Variants in FAM227B observed in about 807,000 individuals in gnomAD.
FAM227B encodes protein FAM227B.
A neutral mutation model predicts 73.8 loss-of-function variants in FAM227B; 88 were observed. The ratio of observed to expected loss-of-function variants is 1.19; its 90% CI spans 1.00 to 1.42. The LOEUF (loss-of-function observed/expected upper bound fraction) is 1.42. Ranked by LOEUF, FAM227B falls within the 40% of genes most tolerant of loss-of-function variation. The probability of loss-of-function intolerance (pLI) is 0.00; values close to 1 mark genes in which losing one functional copy is unlikely to be tolerated. For missense variants in FAM227B, 632 were observed against 590.9 expected (o/e 1.07, Z -0.72); for synonymous variants, 210 against 190.5 (o/e 1.10, Z -0.84).
In FAM227B at chr15:49,489,881, T is replaced by TAGAGAGAG. The variant is rs1163487332; in HGVS notation, c.1012+18329_1012+18330insCTCTCTCT. ...TATTTTATATATATATATATATATA[T>TAGAGAGAG]ATAGAGAGAGAGAGAGAGAGAGAGA... On this transcript the variant is annotated intron_variant, in intron 11 of 15. Coordinates refer to ENST00000299338, the MANE Select transcript of FAM227B (RefSeq NM_152647.3). Among the ~76,000 whole-genome samples the TAGAGAGAG allele has an allele frequency of 6.7e-4, 11 of 16,486 alleles. 1 individual carries two copies. Among genetic ancestry groups the TAGAGAGAG allele is most frequent in the East Asian group, 4.9e-3 (3 of 618 alleles). The allele number at this position is 16,486 out of a possible 152,430, so 10.8% of individuals were successfully genotyped here. A position where few individuals can be genotyped will look rare whatever the true frequency, so the allele number is the denominator to read the frequency against.
At chr15:49,591,206 T>G (rs1036750116) in intron 3 of FAM227B, among the ~76,000 whole-genome samples, 6 of 150,786 alleles carry the variant, frequency 4.0e-5, no homozygotes, top group Admixed American at 6.6e-5. Context: ...TCCCGAGTAG[T>G]TGGGACTACA....
chr15:49,380,312 T>A (rs1221934737), intron 11 of FAM227B, among the ~76,000 whole-genome samples: 2 of 152,118 alleles, frequency 1.3e-5, no homozygotes, highest in East Asian at 3.9e-4. Context: ...GGTCCAGAAA[T>A]GCTGTCCAAG....
chr15:49,419,727 C>G (rs1040743808), intron 11 of FAM227B, among the ~76,000 whole-genome samples: 4 of 152,084 alleles, frequency 2.6e-5, no homozygotes, highest in Admixed American at 6.6e-5. Flanking sequence ...TCTACTGGGA[C>G]CAAACCTGTG....
At chr15:49,496,989 T>G (rs972871104) in intron 11 of FAM227B, among the ~76,000 whole-genome samples, 1 of 151,754 alleles carries the variant, frequency 6.6e-6, no homozygotes, top group African/African-American at 2.4e-5. Context: ...TCTCAAATCA[T>G]GAATCCTAAA....
intron 13 of FAM227B, among the ~76,000 whole-genome samples, chr15:49,364,598 A>G (rs1294487129): frequency 2.0e-5 from 3 of 152,196 alleles, no homozygotes; most frequent in Admixed American, 2.0e-4. Context: ...AAAAAAACAT[A>G]CTACAAAAAT....
intron 11 of FAM227B, among the ~76,000 whole-genome samples, chr15:49,374,788 C>T (rs889030484): frequency 6.6e-6 from 1 of 152,228 alleles, no homozygotes; most frequent in African/African-American, 2.4e-5. Flanking sequence ...AAAAGATCCT[C>T]CTACCTTGGC....
intron 13 of FAM227B, among the ~76,000 whole-genome samples, chr15:49,352,849 C>T (rs1360516240): frequency 1.3e-5 from 2 of 152,168 alleles, no homozygotes; most frequent in Admixed American, 1.3e-4. Flanking sequence ...CTACCTCAGT[C>T]CTTAAAACCC....
At chr15:49,480,137 A>G (rs1316036612) in intron 11 of FAM227B, among the ~76,000 whole-genome samples, 2 of 152,180 alleles carry the variant, frequency 1.3e-5, no homozygotes, top group African/African-American at 2.4e-5. Flanking sequence ...TGTCTTTTAG[A>G]TATGTTGATT....
intron 11 of FAM227B, among the ~76,000 whole-genome samples, chr15:49,449,694 C>T (rs2052546648): frequency 6.6e-6 from 1 of 152,030 alleles, no homozygotes; most frequent in African/African-American, 2.4e-5. Flanking sequence ...TGAATTGCTG[C>T]CAAGTTAGGT....
intron 11 of FAM227B, among the ~76,000 whole-genome samples, chr15:49,492,472 T>G (rs1174358563): frequency 6.6e-6 from 1 of 151,882 alleles, no homozygotes; most frequent in Non-Finnish European, 1.5e-5. Flanking sequence ...GTTTCTATAG[T>G]TTACAGCGTT....
rs141847138 is a variant in FAM227B, at chr15:49,598,922, G to A, written c.106-8915C>T. On this transcript the variant is annotated intron_variant, in intron 3 of 15. Transcript: ENST00000299338. ...TGGTCCACAGTTTTCTTCTCTTGTC[G>A]TGTCCTTGTAGTATCAGGGTAACCC... Among the ~76,000 whole-genome samples, 51 of 152,018 alleles carry A rather than the reference G, an allele frequency of 3.4e-4. No homozygotes were observed. In the East Asian group the frequency reaches 7.2e-3, roughly 21 times the overall value.
chr15:49,509,305 G>A, intron 10 of FAM227B, among the ~76,000 whole-genome samples: 1 of 152,082 alleles, frequency 6.6e-6, no homozygotes, highest in East Asian at 1.9e-4. Context: ...CTAACCCTAG[G>A]AAGTGCAGTC....
intron 11 of FAM227B, among the ~76,000 whole-genome samples, chr15:49,477,371 T>C (rs72729117): frequency 0.11 from 16,261 of 152,226 alleles, 1,236 homozygotes; most frequent in East Asian, 0.36. Context: ...TTGCCACCAC[T>C]GATACTACTG....
At chr15:49,595,020 G>C (rs1455590177) in intron 3 of FAM227B, among the ~76,000 whole-genome samples, 1 of 152,040 alleles carries the variant, frequency 6.6e-6, no homozygotes, top group South Asian at 2.1e-4. Flanking sequence ...TTGGCAGTAC[G>C]GTCATTTTCA....
At chr15:49,396,678 G>A (rs946096691) in intron 11 of FAM227B, among the ~76,000 whole-genome samples, 21 of 151,520 alleles carry the variant, frequency 1.4e-4, no homozygotes, top group African/African-American at 4.8e-4. Context: ...TCCTCAAGTG[G>A]GTCCCTGACC....
chr15:49,607,996 C>T (rs940430096), intron 3 of FAM227B, among the ~76,000 whole-genome samples: 10 of 152,050 alleles, frequency 6.6e-5, no homozygotes, highest in South Asian at 6.2e-4. Flanking sequence ...AAAGGCAAAT[C>T]GAGTCAACTA....
intron 3 of FAM227B, among the ~76,000 whole-genome samples, chr15:49,596,722 A>C (rs2076907097): frequency 6.6e-6 from 1 of 152,006 alleles, no homozygotes. Flanking sequence ...GTTATCTTCA[A>C]GAGACTCACC....
intron 11 of FAM227B, among the ~76,000 whole-genome samples, chr15:49,442,024 T>C (rs1258421966): frequency 6.6e-6 from 1 of 151,652 alleles, no homozygotes; most frequent in Non-Finnish European, 1.5e-5. Flanking sequence ...AGATCCATTA[T>C]AGTGTCCAGC....
chr15:49,588,339 G>A (rs939544971), intron 4 of FAM227B, among the ~76,000 whole-genome samples: 1 of 150,498 alleles, frequency 6.6e-6, no homozygotes, highest in Non-Finnish European at 1.5e-5. Flanking sequence ...TTACTCCTAT[G>A]TCTAAACTTT....
Sources: gnomAD v4.1 joint callset for allele counts (sites outside exome capture counted in the v4.1 genomes callset) on GRCh38, gnomAD v4.1.1 for gene constraint, MANE v1.5 for transcripts, NCBI Gene and HGNC (gene_info 2026-07-23, HGNC 2026-07-21) for gene names.